The following CCNT1 variants were observed in gnomAD, a reference collection of about 807,000 sequenced individuals.
CCNT1 encodes cyclin T1.
In CCNT1, 18 loss-of-function variants were observed where a neutral mutation model predicts 67.3. The observed-to-expected ratio is 0.27, with a 90% confidence interval of 0.18 to 0.40. CCNT1 has a LOEUF of 0.40. CCNT1 is among the 10% of genes least tolerant of loss of function. CCNT1 has a pLI of 1.00. For synonymous variants in CCNT1, 333 were observed against 310.3 expected (o/e 1.07, Z -0.77); for missense variants, 744 against 884.9 (o/e 0.84, Z 2.02).
Position 48,694,126 on chromosome 12 carries a change from G to A in CCNT1, c.1088C>T (p.Ser363Phe). 3 of 1,614,188 alleles carry A rather than the reference G, an allele frequency of 1.9e-6. No homozygotes were observed. Among genetic ancestry groups the A allele is most frequent in the Non-Finnish European group, 2.5e-6 (3 of 1,180,024 alleles). ...TGCATTTGAACCATCCTGTGGTAAG[G>A]AATGATCAACTCCTGTAAGTGCTAA... ...ENLALTGVDH[S>F]LPQDGSNAFI... Residue 363 changes from serine (S) to phenylalanine (F), a missense_variant, in exon 9 of 9, where the codon TCC becomes TTC. Ser to Phe is a radical substitution (Grantham distance 155). Around this residue, in one of 3 missense-constraint regions of CCNT1, gnomAD observed 564 missense variants for 574.2 expected, o/e 0.98. Transcript: ENST00000261900.
chr12:48,712,619 G>C (rs1351664464), intron 2 of CCNT1, among the ~76,000 whole-genome samples: 2 of 62,942 alleles, frequency 3.2e-5, no homozygotes, highest in African/African-American at 5.7e-5. Flanking sequence ...AAAAAAAAAA[G>C]CAGGGAAATA....
intron 4 of CCNT1, among the ~76,000 whole-genome samples, chr12:48,700,493 G>A (rs1377770863): frequency 6.6e-6 from 1 of 151,206 alleles, no homozygotes; most frequent in Non-Finnish European, 1.5e-5. Flanking sequence ...TAGCCCAAAA[G>A]AACCAGGAAA....
chr12:48,705,710 G>A, intron 3 of CCNT1, 58 bp downstream of exon 3: 2 of 1,424,126 alleles, frequency 1.4e-6, no homozygotes, highest in Non-Finnish European at 9.7e-7. Context: ...CTTGGGAGTA[G>A]GGAAAAAAAA....
At chr12:48,705,628 C>T (rs1940344681) in intron 3 of CCNT1, 140 bp downstream of exon 3, 2 of 711,628 alleles carry the variant, frequency 2.8e-6, no homozygotes, top group South Asian at 1.9e-5. Flanking sequence ...CTTTTAACAA[C>T]ACCAATCTAA....
rs181893877 is a variant in CCNT1, at chr12:48,701,928, G to A, written c.373-855C>T. 6.0e-4 allele frequency among the ~76,000 whole-genome samples: 87 copies of A among 144,614 alleles called. No homozygotes were observed. In the East Asian group the frequency reaches 0.015, roughly 25 times the overall value. 94.9% of individuals were successfully genotyped at this position (144,614 alleles called of 152,430 possible). On this transcript the variant is annotated intron_variant, in intron 3 of 8. Transcript: ENST00000261900. Reference sequence around the variant, plus strand: ...GCCTTTTTTTTTGAGAGGGAGTCTCGCTCTGCTGCTCAGGCTGGAGTGCAG... The same window carrying A: ...GCCTTTTTTTTTGAGAGGGAGTCTCACTCTGCTGCTCAGGCTGGAGTGCAG...
Position 48,710,801 on chromosome 12 carries a change from T to C in CCNT1, c.243+3642A>G, listed in dbSNP as rs546786222. The stretch of plus-strand genomic sequence containing the variant: ...AGATATGGCCTGGCACAGTGGCTCA[T>C]GGCTATAATTCCAGCACTTGGTAGG... On this transcript the variant is annotated intron_variant, in intron 2 of 8. Transcript: ENST00000261900. 5.9e-5 allele frequency among the ~76,000 whole-genome samples: 9 copies of C among 152,286 alleles called. No individual in the cohort carries two copies. In the South Asian group the frequency reaches 1.7e-3, roughly 28 times the overall value.
chr12:48,700,318 C>CAAAA (rs372908471), intron 4 of CCNT1, among the ~76,000 whole-genome samples: 2 of 82,286 alleles, frequency 2.4e-5, no homozygotes, highest in African/African-American at 5.0e-5. Flanking sequence ...GACTCCGTCT[C>CAAAA]AAAAAAAAAA....
chr12:48,709,411 T>C (rs969954711), intron 2 of CCNT1, among the ~76,000 whole-genome samples: 1 of 152,218 alleles, frequency 6.6e-6, no homozygotes, highest in Non-Finnish European at 1.5e-5. Flanking sequence ...TTGTATACTC[T>C]GGGCACAGCA....
Position 48,715,170 on chromosome 12 carries a change from A to C in CCNT1, c.162-646T>G, listed in dbSNP as rs74088154. Among the ~76,000 whole-genome samples the C allele has an allele frequency of 5.8e-3, 891 of 152,338 alleles. 7 individuals carry two copies. The highest frequency in any genetic ancestry group is 0.02 in the African/African-American group (814 of 41,576). On this transcript the variant is annotated intron_variant, in intron 1 of 8. Coordinates refer to ENST00000261900, the MANE Select transcript of CCNT1 (RefSeq NM_001240.4). ...GAAAGCATTTTAAGGATGCACTGAA[A>C]TAGAATTTCGAACAAAAAGATTTAA...
At chr12:48,702,025 T>C (rs1940279026) in intron 3 of CCNT1, among the ~76,000 whole-genome samples, 1 of 151,994 alleles carries the variant, frequency 6.6e-6, no homozygotes, top group African/African-American at 2.4e-5. Context: ...GCCTCCCGAG[T>C]AGGTGGGATT....
chr12:48,716,433 T>TC (rs1940533879), intron 1 of CCNT1, 82 bp downstream of exon 1: 39 of 1,292,262 alleles, frequency 3.0e-5, no homozygotes, highest in African/African-American at 1.7e-4. Flanking sequence ...CCCACTTTCG[T>TC]CCCCCCCACA....
At chr12:48,707,021 T>C (rs1169214625) in intron 2 of CCNT1, among the ~76,000 whole-genome samples, 2 of 152,106 alleles carry the variant, frequency 1.3e-5, no homozygotes, top group African/African-American at 4.8e-5. Flanking sequence ...CTGGGCAACA[T>C]AGTGAGAGAG....
intron 1 of CCNT1, 77 bp downstream of exon 1, chr12:48,716,438 C>G (rs553854547): frequency 1.1e-4 from 155 of 1,375,144 alleles, no homozygotes; most frequent in Non-Finnish European, 1.5e-4. Context: ...TTTCGTCCCC[C>G]CCACAGAGCC....
rs71080140 is a variant in CCNT1, at chr12:48,696,239, T to TAA, written c.543-79_543-78dup. On this transcript the variant is annotated intron_variant, in intron 6 of 8. Coordinates refer to ENST00000261900, the MANE Select transcript of CCNT1 (RefSeq NM_001240.4). ...CCCAAAGCTAAAACTCTCCATTATT[T>TAA]AAAAAAAAAAAAAAAAAAAAAAAAA... is the stretch of plus-strand genomic sequence containing the variant. The TAA allele has an allele frequency of 2.2e-3, 155 of 72,024 alleles. 3 individuals carry two copies. The highest frequency in any genetic ancestry group is 0.011 in the African/African-American group (135 of 12,636). 4.5% of individuals were successfully genotyped at this position (72,024 alleles called of 1,614,324 possible).
At chr12:48,703,228 A>G (rs906387458) in intron 3 of CCNT1, among the ~76,000 whole-genome samples, 3 of 152,048 alleles carry the variant, frequency 2.0e-5, no homozygotes, top group East Asian at 3.9e-4. Flanking sequence ...TCCTGGCTAC[A>G]ATCTTGCCAC....
chr12:48,698,215 G>C, intron 5 of CCNT1, 32 bp from the exon 6 acceptor site: 1 of 1,463,280 alleles, frequency 6.8e-7, no homozygotes, highest in Non-Finnish European at 9.3e-7. Flanking sequence ...CAGGGGTGGG[G>C]GAGGAAAAAA....
In CCNT1 at chr12:48,693,288, C is replaced by T; in HGVS notation, c.1926G>A (p.Gly642=). 6.2e-7 allele frequency: 1 copy of T among 1,614,170 alleles called. No homozygotes were observed. Among genetic ancestry groups the T allele is most frequent in the Non-Finnish European group, 8.5e-7 (1 of 1,180,036 alleles). Residue 642 remains glycine, a synonymous_variant, in exon 9 of 9, where the codon GGG becomes GGA. Coordinates refer to ENST00000261900, the MANE Select transcript of CCNT1 (RefSeq NM_001240.4). ...TRVPHSKLDK[G]PTGANGHNTT... is the part of the protein sequence containing the mutation. ...TGTTGTGACCATTGGCCCCAGTGGG[C>T]CCTTTATCCAGTTTCGAATGAGGGA...
Position 48,694,379 on chromosome 12 carries a change from A to C in CCNT1, c.835T>G (p.Ser279Ala). The change falls in exon 9 of 9, where the codon TCA becomes GCA. Residue 279 changes from serine (S) to alanine (A), a missense_variant. Around this residue, in one of 3 missense-constraint regions of CCNT1, gnomAD observed 564 missense variants for 574.2 expected, o/e 0.98. Coordinates refer to ENST00000261900, the MANE Select transcript of CCNT1 (RefSeq NM_001240.4). The part of the protein sequence containing the change: ...ADDRGTDEKT[S>A]EQTILNMISQ... ...ATCATATTGAGGATTGTCTGCTCTGAAGTCTTTTCATCTGTTCCTCGGTCA... is the reference window on the plus strand; with the variant it reads ...ATCATATTGAGGATTGTCTGCTCTGCAGTCTTTTCATCTGTTCCTCGGTCA... The C allele has an allele frequency of 6.2e-7, 1 of 1,614,208 alleles. No homozygotes were observed. The highest frequency in any genetic ancestry group is 8.5e-7 in the Non-Finnish European group (1 of 1,180,044).
chr12:48,698,415 C>T (rs1392375741), intron 5 of CCNT1, among the ~76,000 whole-genome samples: 2 of 152,170 alleles, frequency 1.3e-5, no homozygotes, highest in East Asian at 3.9e-4. Flanking sequence ...TCTAGGTACT[C>T]AAGCTTTATT....
Sources: allele counts gnomAD v4.1 joint callset (sites outside exome capture counted in the v4.1 genomes callset), GRCh38; gene constraint gnomAD v4.1.1; regional missense constraint gnomAD v4.1.1; transcripts MANE v1.5; gene names NCBI Gene and HGNC (gene_info 2026-07-23, HGNC 2026-07-21).